ZKSCAN4: variants seen among roughly 807,000 people sequenced by gnomAD.
ZKSCAN4 encodes the protein zinc finger protein with KRAB and SCAN domains 4.
A neutral mutation model predicts 30.8 loss-of-function variants in ZKSCAN4; 23 were observed. The observed-to-expected ratio is 0.75, with a 90% CI of 0.54 to 1.06. The LOEUF (loss-of-function observed/expected upper bound fraction) is 1.06. ZKSCAN4 is among the 50% of genes least tolerant of loss of function. The probability of loss-of-function intolerance (pLI) is 0.00; values close to 1 mark genes in which losing one functional copy is unlikely to be tolerated. For missense variants in ZKSCAN4, 556 were observed against 665.4 expected (o/e 0.84, Z 1.81); for synonymous variants, 208 against 252.5 (o/e 0.82, Z 1.67).
At chr6:28,246,740 C>A (rs1425975538) in intron 4 of ZKSCAN4, among the ~76,000 whole-genome samples, 1 of 152,058 alleles carries the variant, frequency 6.6e-6, no homozygotes, top group Non-Finnish European at 1.5e-5. Flanking sequence ...CAGACCTGTA[C>A]AAGGAGTTGT....
intron 4 of ZKSCAN4, among the ~76,000 whole-genome samples, chr6:28,246,517 C>T (rs528494300): frequency 2.0e-5 from 3 of 152,250 alleles, no homozygotes; most frequent in African/African-American, 7.2e-5. Context: ...CACAAATAAG[C>T]TATGAGATTT....
upstream of ZKSCAN4, among the ~76,000 whole-genome samples, chr6:28,252,943 A>G (rs1203244155): frequency 1.3e-5 from 2 of 152,132 alleles, no homozygotes; most frequent in East Asian, 3.9e-4. Context: ...CCAGCCCCCA[A>G]TCACAGTCAA....
In ZKSCAN4 at chr6:28,243,899, A is replaced by G. The variant is rs1313431647; in HGVS notation, c.*1217T>C. On this transcript the variant is annotated 3_prime_UTR_variant, in exon 5 of 5. Coordinates refer to ENST00000377294, the MANE Select transcript of ZKSCAN4 (RefSeq NM_019110.5). ...AGGCTGGTCTCAAACTTCTGACTTC[A>G]TGTGATCTGCCTGCCACAGCCTCCC... 2.6e-5 allele frequency among the ~76,000 whole-genome samples: 4 copies of G among 152,178 alleles called. No homozygotes were observed. The highest frequency in any genetic ancestry group is 7.2e-5 in the African/African-American group (3 of 41,516).
In ZKSCAN4 at chr6:28,251,941, G is replaced by T. The variant is rs750531449; in HGVS notation, c.40C>A (p.Gln14Lys). ...EPRKNAALDA[Q>K]SAEDQTGLLT... ...AGCCCCGTCTGGTCTTCTGCAGACT[G>T]GGCGTCCAGGGCTGCGTTTTTTCTC... Residue 14 changes from glutamine (Q) to lysine (K), a missense_variant, in exon 1 of 5, where the codon CAG becomes AAG. By Grantham distance (53) the Gln-to-Lys change is moderately conservative. Around this residue, in one of 3 missense-constraint regions of ZKSCAN4, gnomAD observed 115 missense variants for 125.9 expected, o/e 0.91. Coordinates refer to ENST00000377294, the MANE Select transcript of ZKSCAN4 (RefSeq NM_019110.5). This position sits in a 1 kb window ranked among gnomAD's most constrained non-coding sequence, Gnocchi z 4.5. 6.6e-7 allele frequency: 1 copy of T among 1,522,340 alleles called. No individual in the cohort carries two copies. The highest frequency in any genetic ancestry group is 8.8e-7 in the Non-Finnish European group (1 of 1,139,932). 94.3% of individuals were successfully genotyped at this position (1,522,340 alleles called of 1,614,324 possible). A position where few individuals can be genotyped will look rare whatever the true frequency, so the allele number is the denominator to read the frequency against.
chr6:28,245,349 C>T lies in ZKSCAN4; in HGVS notation c.1405G>A (p.Glu469Lys). Residue 469 changes from glutamate to lysine, a missense_variant, in exon 5 of 5, where the codon GAA becomes AAA. Physicochemically the swap from Glu to Lys is moderately conservative, Grantham distance 56. Around this residue, in one of 3 missense-constraint regions of ZKSCAN4, gnomAD observed 433 missense variants for 511.5 expected, o/e 0.85. Coordinates refer to ENST00000377294, the MANE Select transcript of ZKSCAN4 (RefSeq NM_019110.5). ...VQNPEHGESW[E>K]SQGRTESQWE... is the part of the protein sequence containing the mutation. ...TGGCTTTCCGTCCTACCCTGACTTT[C>T]CCAGGACTCCCCGTGCTCAGGATTC... The T allele has an allele frequency of 6.2e-7, 1 of 1,614,210 alleles. No individual in the cohort carries two copies. Among genetic ancestry groups the T allele is most frequent in the Non-Finnish European group, 8.5e-7 (1 of 1,180,030 alleles).
chr6:28,251,054 A>G lies in ZKSCAN4; in HGVS notation c.423+504T>C, dbSNP rs1368401390. 1.3e-5 allele frequency among the ~76,000 whole-genome samples: 2 copies of G among 152,242 alleles called. No individual in the cohort carries two copies. The highest frequency in any genetic ancestry group is 6.5e-5 in the Admixed American group (1 of 15,288). On this transcript the variant is annotated intron_variant, in intron 1 of 4. Transcript: ENST00000377294. The surrounding 1 kb of genome is among the most constrained non-coding windows in gnomAD (Gnocchi z 4.5). ...CAAGTGGTCCATGAACTTAGAAAGGACAAAAACTAATCTTATTTTTACTGG... is the reference window on the plus strand; with the variant it reads ...CAAGTGGTCCATGAACTTAGAAAGGGCAAAAACTAATCTTATTTTTACTGG...
Position 28,245,114 on chromosome 6 carries a change from G to C in ZKSCAN4, c.*2C>G. The C allele has an allele frequency of 2.5e-6, 4 of 1,613,982 alleles. No individual in the cohort carries two copies. Among genetic ancestry groups the C allele is most frequent in the Non-Finnish European group, 3.4e-6 (4 of 1,179,984 alleles). On this transcript the variant is annotated 3_prime_UTR_variant, in exon 5 of 5. Coordinates refer to ENST00000377294, the MANE Select transcript of ZKSCAN4 (RefSeq NM_019110.5). ...CACCAATGTTGGCATGAATACCATG[G>C]GTCACTGTGAAAGAGTTTTTTTCCC...
At chr6:28,252,375 C>A (rs184763972), upstream of ZKSCAN4, among the ~76,000 whole-genome samples, 156 of 152,072 alleles carry the variant, frequency 1.0e-3, no homozygotes, top group African/African-American at 3.6e-3. Flanking sequence ...CCTGTCCTTA[C>A]CTCCACGCAA....
At chr6:28,252,548 C>T (rs1229519275), upstream of ZKSCAN4, among the ~76,000 whole-genome samples, 1 of 152,108 alleles carries the variant, frequency 6.6e-6, no homozygotes, top group Non-Finnish European at 1.5e-5. Flanking sequence ...TAAAATTGAG[C>T]TGGAAAGCAG....
chr6:28,246,597 G>C (rs888354352), intron 4 of ZKSCAN4, among the ~76,000 whole-genome samples: 2 of 152,098 alleles, frequency 1.3e-5, no homozygotes, highest in Non-Finnish European at 2.9e-5. Context: ...TGATGTCTAA[G>C]GTTGCTTCTG....
rs914666575 is a variant in ZKSCAN4, at chr6:28,243,975, C to T, written c.*1141G>A. ...CCATGGCACCCAGCCTGAACAGATACATTTTCTCCTACCACTCAGATGTGA... is the reference window on the plus strand; with the variant it reads ...CCATGGCACCCAGCCTGAACAGATATATTTTCTCCTACCACTCAGATGTGA... On this transcript the variant is annotated 3_prime_UTR_variant, in exon 5 of 5. Coordinates refer to ENST00000377294, the MANE Select transcript of ZKSCAN4 (RefSeq NM_019110.5). Among the ~76,000 whole-genome samples the T allele has an allele frequency of 3.3e-5, 5 of 152,122 alleles. No homozygotes were observed. The highest frequency in any genetic ancestry group is 7.4e-5 in the Non-Finnish European group (5 of 68,020).
At chr6:28,254,015 A>T (rs1761106021), upstream of ZKSCAN4, among the ~76,000 whole-genome samples, 2 of 152,224 alleles carry the variant, frequency 1.3e-5, no homozygotes, top group South Asian at 2.1e-4. Context: ...ATGACACTTT[A>T]AAAAATCAAT....
At position 28,251,617 on chromosome 6, in the gene ZKSCAN4, C is replaced by T. The variant is rs748367832; in HGVS notation, c.364G>A (p.Glu122Lys). ...WVREQHPESG[E>K]EVVVLLEYLE... is the part of the protein sequence containing the mutation. ...TACTCCAATAGCACCACCACCTCCT[C>T]CCCGCTCTCTGGATGCTGCTCCCGC... The change falls in exon 1 of 5, where the codon GAG becomes AAG. Residue 122 changes from glutamate (E) to lysine (K), a missense_variant. By Grantham distance (56) the Glu-to-Lys change is moderately conservative. This residue lies in a region of ZKSCAN4 where 433 missense variants were observed against 511.5 expected (regional missense o/e 0.85). Transcript: ENST00000377294. This position sits in a 1 kb window ranked among gnomAD's most constrained non-coding sequence, Gnocchi z 4.5. 9.9e-6 allele frequency: 16 copies of T among 1,614,082 alleles called. No homozygotes were observed. The highest frequency in any genetic ancestry group is 1.7e-5 in the Admixed American group (1 of 60,016).
At position 28,248,156 on chromosome 6, in the gene ZKSCAN4, A is replaced by G. The variant is rs1678219527; in HGVS notation, c.572-7T>C. The G allele has an allele frequency of 6.2e-7, 1 of 1,611,534 alleles. No individual in the cohort carries two copies. The highest frequency in any genetic ancestry group is 1.1e-5 in the South Asian group (1 of 90,690). On this transcript the variant is annotated splice_region_variant and splice_polypyrimidine_tract_variant and intron_variant, in intron 2 of 4. Transcript: ENST00000377294. Reference sequence around the variant, plus strand: ...AGCCCAGGAACCTGGAGAACTAAGAAAGAAAGAAGCTCTGGATGAGAACTA... The same window carrying G: ...AGCCCAGGAACCTGGAGAACTAAGAGAGAAAGAAGCTCTGGATGAGAACTA...
chr6:28,245,490 G>T lies in ZKSCAN4; in HGVS notation c.1264C>A (p.His422Asn). 7 of 1,614,232 alleles carry T rather than the reference G, an allele frequency of 4.3e-6. No homozygotes were observed. Among genetic ancestry groups the T allele is most frequent in the Non-Finnish European group, 5.1e-6 (6 of 1,180,042 alleles). Residue 422 changes from histidine to asparagine, a missense_variant, in exon 5 of 5, where the codon CAT becomes AAT. Coordinates refer to ENST00000377294, the MANE Select transcript of ZKSCAN4 (RefSeq NM_019110.5). ...TFSQSCSLLE[H>N]HKIHTGEKPY... ...TTCTCCCCAGTATGAATTTTGTGAT[G>T]TTCAAGGAGGCTGCAGCTCTGGCTG... is the stretch of plus-strand genomic sequence containing the variant.
intron 4 of ZKSCAN4, among the ~76,000 whole-genome samples, chr6:28,246,626 C>T (rs1760743638): frequency 6.6e-6 from 1 of 152,088 alleles, no homozygotes. Flanking sequence ...GTTCTGAATC[C>T]ATGGCCCATT....
chr6:28,245,851 A>G lies in ZKSCAN4; in HGVS notation c.903T>C (p.Gly301=). 1 of 1,614,072 alleles carries G rather than the reference A, an allele frequency of 6.2e-7. No individual in the cohort carries two copies. Among genetic ancestry groups the G allele is most frequent in the Non-Finnish European group, 8.5e-7 (1 of 1,179,994 alleles). The change falls in exon 5 of 5, where the codon GGT becomes GGC. Residue 301 remains glycine (G), a synonymous_variant. Coordinates refer to ENST00000377294, the MANE Select transcript of ZKSCAN4 (RefSeq NM_019110.5). ...TTCTTTGTAACCTGCCCTCCTGTTC[A>G]CCAGCTTCTGCATGTGTAGGAATCT... ...IAQIPTHAEA[G]EQEGRLQRKQ...
Position 28,251,909 on chromosome 6 carries a change from G to A in ZKSCAN4, c.72C>T (p.Thr24=). ...QSAEDQTGLL[T]VKVEKEEASA... is the part of the protein sequence containing the mutation. The stretch of plus-strand genomic sequence containing the variant: ...AGGCTTCCTCCTTCTCCACCTTCAC[G>A]GTCAGGAGCCCCGTCTGGTCTTCTG... Residue 24 remains threonine (T), a synonymous_variant, in exon 1 of 5, where the codon ACC becomes ACT. Transcript: ENST00000377294. The surrounding 1 kb of genome is among the most constrained non-coding windows in gnomAD (Gnocchi z 4.5). 6.5e-7 allele frequency: 1 copy of A among 1,532,970 alleles called. No individual in the cohort carries two copies. The highest frequency in any genetic ancestry group is 8.7e-7 in the Non-Finnish European group (1 of 1,145,872). The allele number at this position is 1,532,970 out of a possible 1,614,324, so 95.0% of individuals were successfully genotyped here. A position where few individuals can be genotyped will look rare whatever the true frequency, so the allele number is the denominator to read the frequency against.
rs747880587 is a variant in ZKSCAN4 at position 28,245,400 on chromosome 6, T to G, written c.1354A>C (p.Arg452=). 3 of 1,614,248 alleles carry G rather than the reference T, an allele frequency of 1.9e-6. No homozygotes were observed. The South Asian group carries it at 3.3e-5, about 18-fold the overall frequency. Residue 452 remains arginine, a synonymous_variant, in exon 5 of 5, where the codon AGG becomes CGG. Transcript: ENST00000377294. ...TGAACATTTTTATCACCATGAATCC[T>G]CTGATGTCTCAGGAGATGTGAATTC... ...RRNSHLLRHQ[R]IHGDKNVQNP...
Sources: gnomAD v4.1 joint callset for allele counts (sites outside exome capture counted in the v4.1 genomes callset) on GRCh38, gnomAD v4.1.1 for gene constraint, gnomAD v4.1.1 regional missense constraint, Gnocchi (gnomAD v3.1) non-coding constraint, MANE v1.5 for transcripts, NCBI Gene and HGNC (gene_info 2026-07-23, HGNC 2026-07-21) for gene names.